The following EPM2A variants were observed in gnomAD, a reference collection of about 807,000 sequenced individuals.
EPM2A encodes EPM2A glucan phosphatase, laforin.
A neutral mutation model predicts 26.5 loss-of-function variants in EPM2A; 21 were observed. The ratio of observed to expected loss-of-function variants is 0.79; its 90% CI spans 0.56 to 1.14. The LOEUF (loss-of-function observed/expected upper bound fraction) is 1.14. Among genes scored for constraint, EPM2A ranks in the 50% most tolerant of loss-of-function variants. The pLI is 0.00. For missense variants in EPM2A, 458 were observed against 440.8 expected (o/e 1.04, Z -0.35); for synonymous variants, 217 against 177.6 (o/e 1.22, Z -1.76).
At chr6:145,436,189 T>G (rs1235821117) in intron 4 of EPM2A, among the ~76,000 whole-genome samples, 4 of 152,222 alleles carry the variant, frequency 2.6e-5, no homozygotes, top group African/African-American at 9.6e-5. Flanking sequence ...CATTTATTTT[T>G]AAGGCCAAAT....
downstream of EPM2A, chr6:145,625,200 C>T (rs914984969): frequency 6.5e-6 from 1 of 152,968 alleles, no homozygotes; most frequent in African/African-American, 2.4e-5. Flanking sequence ...GAAAAATAAA[C>T]AATTTAGCTC....
At chr6:145,628,055 G>T in intron 3 of EPM2A, 1 of 239,466 alleles carries the variant, frequency 4.2e-6, no homozygotes, top group Non-Finnish European at 8.1e-6. Context: ...AATTTTAGAG[G>T]ATTCAAAAAA....
intron 2 of EPM2A, among the ~76,000 whole-genome samples, chr6:145,505,515 A>G (rs919035637): frequency 1.3e-5 from 2 of 152,116 alleles, no homozygotes; most frequent in Non-Finnish European, 2.9e-5. Flanking sequence ...AGTATATTTT[A>G]AAATTAAGAT....
intron 2 of EPM2A, among the ~76,000 whole-genome samples, chr6:145,531,798 C>T (rs1321512055): frequency 1.3e-5 from 2 of 152,206 alleles, no homozygotes; most frequent in Admixed American, 1.3e-4. Flanking sequence ...GCAAATTCTA[C>T]TCCAGACACA....
Position 145,661,084 on chromosome 6 carries a change from G to A in EPM2A, c.476+25038C>T, listed in dbSNP as rs961067651. On this transcript the variant is annotated intron_variant, in intron 2 of 3. Transcript: ENST00000367519. ...AACAGAGGCCCTGAAAAACAAAGTCGGGTGCGGGTCCGAGAAAGAAGTAGA... is the reference window on the plus strand; with the variant it reads ...AACAGAGGCCCTGAAAAACAAAGTCAGGTGCGGGTCCGAGAAAGAAGTAGA... Among the ~76,000 whole-genome samples the A allele has an allele frequency of 6.6e-5, 10 of 152,088 alleles. No homozygotes were observed. In the South Asian group the frequency reaches 1.7e-3, roughly 25 times the overall value.
chr6:145,501,578 G>C (rs1161456099), downstream of EPM2A: 2 of 308,544 alleles, frequency 6.5e-6, no homozygotes, highest in Non-Finnish European at 1.3e-5. Flanking sequence ...GCTTCACTCA[G>C]AAACTTTGGA....
intron 2 of EPM2A, among the ~76,000 whole-genome samples, chr6:145,674,899 G>T (rs555307176): frequency 6.6e-6 from 1 of 152,168 alleles, no homozygotes; most frequent in African/African-American, 2.4e-5. Context: ...AACCTGGTAA[G>T]GCAGGCCAAC....
chr6:145,704,106 C>T (rs912202437), intron 1 of EPM2A, among the ~76,000 whole-genome samples: 2 of 152,180 alleles, frequency 1.3e-5, no homozygotes, highest in African/African-American at 4.8e-5. Flanking sequence ...ATTAAGCTAT[C>T]TAATACATAT....
chr6:145,521,818 T>C (rs1562368217), intron 2 of EPM2A, among the ~76,000 whole-genome samples: 1 of 152,176 alleles, frequency 6.6e-6, no homozygotes, highest in Non-Finnish European at 1.5e-5. Context: ...ATTGGATGTA[T>C]TGATAATGAA....
rs374818488 is a variant in EPM2A at position 145,711,027 on chromosome 6, C to A, written c.301+24171G>T. 1.1e-4 allele frequency among the ~76,000 whole-genome samples: 17 copies of A among 151,392 alleles called. No homozygotes were observed. The East Asian group carries it at 1.4e-3, about 12-fold the overall frequency. ...AGGAGATATACCTAATGTTAAATGA[C>A]GAGTTAATGGGTGCAGCACACCAAC... On this transcript the variant is annotated intron_variant, in intron 1 of 3. Coordinates refer to ENST00000367519, the MANE Select transcript of EPM2A (RefSeq NM_005670.4).
intron 2 of EPM2A, chr6:145,502,623 T>G (rs1260172772): frequency 1.3e-5 from 6 of 470,162 alleles, no homozygotes; most frequent in Non-Finnish European, 2.6e-5. Context: ...CCTGGCACAG[T>G]GCCAGCCTTG....
In EPM2A at chr6:145,444,111, A is replaced by C. The variant is rs74722398; in HGVS notation, c.555+58411T>G. Among the ~76,000 whole-genome samples the C allele has an allele frequency of 2.0e-5, 3 of 152,208 alleles. No homozygotes were observed. The East Asian group carries it at 5.8e-4, about 29-fold the overall frequency. On this transcript the variant is annotated intron_variant, in intron 4 of 4. Coordinates refer to the EPM2A transcript ENST00000638717. Reference sequence around the variant, plus strand: ...TAGATGTCTTTTATTATATTTCTTTAGCTTGCCTGACTGCTCTGGCCAGGA... The same window carrying C: ...TAGATGTCTTTTATTATATTTCTTTCGCTTGCCTGACTGCTCTGGCCAGGA...
chr6:145,617,765 C>A (rs918557070), intron 2 of EPM2A, among the ~76,000 whole-genome samples: 1 of 151,902 alleles, frequency 6.6e-6, no homozygotes, highest in Non-Finnish European at 1.5e-5. Flanking sequence ...ATAGTGAGAC[C>A]CCCATCTTTA....
intron 2 of EPM2A, among the ~76,000 whole-genome samples, chr6:145,658,366 C>T (rs1295006019): frequency 1.3e-5 from 2 of 152,136 alleles, no homozygotes; most frequent in Non-Finnish European, 2.9e-5. Context: ...CCATTTACAG[C>T]ACAATAGATG....
intron 2 of EPM2A, among the ~76,000 whole-genome samples, chr6:145,667,985 A>T (rs1779349768): frequency 7.3e-6 from 1 of 137,724 alleles, no homozygotes; most frequent in African/African-American, 2.7e-5. Context: ...GGACACATGA[A>T]GGGGAATACC....
chr6:145,595,251 T>C (rs973742515), intron 2 of EPM2A, among the ~76,000 whole-genome samples: 2 of 151,932 alleles, frequency 1.3e-5, no homozygotes, highest in African/African-American at 2.4e-5. Flanking sequence ...CCTTCTGCTC[T>C]GAAATCAGAA....
At chr6:145,430,460 G>A (rs1370045138) in intron 4 of EPM2A, among the ~76,000 whole-genome samples, 3 of 151,826 alleles carry the variant, frequency 2.0e-5, no homozygotes, top group Admixed American at 2.0e-4. Context: ...ACTTAGCTGG[G>A]CGTGGTGGTG....
intron 4 of EPM2A, among the ~76,000 whole-genome samples, chr6:145,461,088 CT>C (rs1779324217): frequency 6.6e-6 from 1 of 152,102 alleles, no homozygotes. Flanking sequence ...TATTTAAATC[CT>C]TTTTGTATTC....
intron 4 of EPM2A, among the ~76,000 whole-genome samples, chr6:145,397,877 T>C (rs1379076995): frequency 1.3e-5 from 2 of 152,122 alleles, no homozygotes; most frequent in African/African-American, 4.8e-5. Context: ...ACCCTAGTAC[T>C]TAGGCCCAAG....
Sources: allele counts gnomAD v4.1 joint callset (sites outside exome capture counted in the v4.1 genomes callset), GRCh38; gene constraint gnomAD v4.1.1; transcripts MANE v1.5; gene names NCBI Gene and HGNC (gene_info 2026-07-23, HGNC 2026-07-21).